HLCS: variants seen among roughly 807,000 people sequenced by gnomAD.
HLCS encodes the protein holocarboxylase synthetase.
Under a neutral mutation model 75.0 loss-of-function variants are expected in HLCS, and 53 were observed. The ratio of observed to expected loss-of-function variants is 0.71; its 90% CI spans 0.57 to 0.89. HLCS has a LOEUF of 0.89. Ranked by LOEUF, HLCS falls within the 40% of genes least tolerant of loss-of-function variation. The probability of loss-of-function intolerance (pLI) is 0.00; values close to 1 mark genes in which losing one functional copy is unlikely to be tolerated. For missense variants in HLCS, 966 were observed against 1,074.0 expected (o/e 0.90, Z 1.41); for synonymous variants, 431 against 428.6 (o/e 1.01, Z -0.07).
intron 1 of HLCS, among the ~76,000 whole-genome samples, chr21:36,963,643 T>C (rs1294542475): frequency 6.6e-6 from 1 of 151,910 alleles, no homozygotes; most frequent in Admixed American, 6.6e-5. Flanking sequence ...TCCCAGCTAC[T>C]CGGGAGGCTA....
At chr21:36,757,057 C>T (rs2089631664) in intron 9 of HLCS, 1 of 553,138 alleles carries the variant, frequency 1.8e-6, no homozygotes, top group Non-Finnish European at 2.3e-6. Context: ...AAATATGGGA[C>T]AAAACGTATC....
At chr21:36,914,806 G>A (rs957673803) in intron 5 of HLCS, among the ~76,000 whole-genome samples, 4 of 152,216 alleles carry the variant, frequency 2.6e-5, no homozygotes, top group African/African-American at 2.4e-5. Flanking sequence ...CACTGGTCTC[G>A]TGGGTGCGGG....
At chr21:36,926,213 A>G (rs954948884) in intron 5 of HLCS, among the ~76,000 whole-genome samples, 4 of 152,198 alleles carry the variant, frequency 2.6e-5, no homozygotes, top group Non-Finnish European at 5.9e-5. Flanking sequence ...AGAAACTGGA[A>G]CATCCAAGCA....
At chr21:36,806,359 C>A (rs1245861873) in intron 6 of HLCS, 2 of 152,150 alleles carry the variant, frequency 1.3e-5, no homozygotes, top group African/African-American at 4.8e-5. Flanking sequence ...GTGACATCAT[C>A]TTTGAGATAT....
In HLCS at chr21:36,840,903, G is replaced by A. The variant is rs552410920; in HGVS notation, c.1892+55957C>T. ...GCTGGGATTACAGGTGTGAGCCACA[G>A]CACCAGGCCACAATATTGCTTTTAG... On this transcript the variant is annotated intron_variant, in intron 6 of 10. Coordinates refer to ENST00000674895, the MANE Select transcript of HLCS (RefSeq NM_001352514.2). Among the ~76,000 whole-genome samples, 91 of 152,226 alleles carry A rather than the reference G, an allele frequency of 6.0e-4. 1 individual carries two copies. The South Asian group carries it at 0.013, about 22-fold the overall frequency.
chr21:36,942,271 T>C (rs187511635), intron 2 of HLCS, among the ~76,000 whole-genome samples: 9 of 151,634 alleles, frequency 5.9e-5, no homozygotes, highest in East Asian at 3.9e-4. Flanking sequence ...AGACCTCTTT[T>C]AGAAAAAGGA....
At position 36,767,291 on chromosome 21, in the gene HLCS, G is replaced by T. The variant is rs139904712; in HGVS notation, c.1893-6C>A. ...GCGGTGTCTGAAACATCAGCCTGCC[G>T]AAGAGGGGGAAAGACCGGTTAGGCC... On this transcript the variant is annotated splice_polypyrimidine_tract_variant and splice_region_variant and intron_variant, in intron 6 of 10. Coordinates refer to ENST00000674895, the MANE Select transcript of HLCS (RefSeq NM_001352514.2). 6.2e-7 allele frequency: 1 copy of T among 1,614,054 alleles called. No individual in the cohort carries two copies. Among genetic ancestry groups the T allele is most frequent in the South Asian group, 1.1e-5 (1 of 91,078 alleles).
At chr21:36,916,377 T>C (rs1377393405) in intron 5 of HLCS, among the ~76,000 whole-genome samples, 2 of 152,092 alleles carry the variant, frequency 1.3e-5, no homozygotes, top group East Asian at 1.9e-4. Context: ...TTTTAAGAGA[T>C]AGGGTCTTGC....
In HLCS at chr21:36,788,683, TA is replaced by T. The variant is rs1436091890; in HGVS notation, c.1893-21399del. Reference sequence around the variant, plus strand: ...TGCATTACAGTTGGATATTATTATATAAAATGAGTGTGTTATTAAAAGGATC... The same window carrying T: ...TGCATTACAGTTGGATATTATTATATAAATGAGTGTGTTATTAAAAGGATC... On this transcript the variant is annotated intron_variant, in intron 6 of 10. Coordinates refer to ENST00000674895, the MANE Select transcript of HLCS (RefSeq NM_001352514.2). Among the ~76,000 whole-genome samples the T allele has an allele frequency of 2.0e-5, 3 of 152,260 alleles. No homozygotes were observed. In the East Asian group the frequency reaches 5.8e-4, roughly 29 times the overall value.
intron 5 of HLCS, among the ~76,000 whole-genome samples, chr21:36,917,206 A>C (rs1258879068): frequency 6.6e-6 from 1 of 152,194 alleles, no homozygotes; most frequent in Admixed American, 6.5e-5. Context: ...TTCTGCTGTT[A>C]ATCGTGGAAT....
chr21:36,928,630 T>C (rs2066506201), intron 5 of HLCS, among the ~76,000 whole-genome samples: 1 of 152,170 alleles, frequency 6.6e-6, no homozygotes, highest in South Asian at 2.1e-4. Flanking sequence ...ACTCATTCCA[T>C]TCCTTGGGCT....
intron 2 of HLCS, among the ~76,000 whole-genome samples, chr21:36,961,444 C>T (rs951970260): frequency 2.0e-5 from 3 of 151,802 alleles, no homozygotes; most frequent in Non-Finnish European, 2.9e-5. Flanking sequence ...TCCCTGGAGC[C>T]CTGAGTTTGA....
At chr21:36,855,751 A>AT (rs370476988) in intron 6 of HLCS, among the ~76,000 whole-genome samples, 4 of 151,478 alleles carry the variant, frequency 2.6e-5, no homozygotes, top group African/African-American at 9.7e-5. Flanking sequence ...TAATTTTTGT[A>AT]TTTTTTTGTA....
intron 6 of HLCS, among the ~76,000 whole-genome samples, chr21:36,855,348 T>G (rs1156953030): frequency 6.6e-6 from 1 of 150,504 alleles, no homozygotes; most frequent in Admixed American, 6.6e-5. Context: ...CTTGTCAACA[T>G]GGTGAAACCC....
intron 6 of HLCS, among the ~76,000 whole-genome samples, chr21:36,853,539 C>T (rs1353385466): frequency 6.6e-6 from 1 of 152,078 alleles, no homozygotes; most frequent in East Asian, 1.9e-4. Context: ...TTAAAATTAA[C>T]CATTTCAATT....
At chr21:36,980,610 C>G (rs558993353) in intron 1 of HLCS, 1 of 152,368 alleles carries the variant, frequency 6.6e-6, no homozygotes, top group Non-Finnish European at 1.5e-5. Context: ...CACCCGAGTC[C>G]CCAGAGCCCC....
At chr21:36,946,489 G>A (rs927574700) in intron 2 of HLCS, among the ~76,000 whole-genome samples, 17 of 152,090 alleles carry the variant, frequency 1.1e-4, no homozygotes, top group African/African-American at 3.6e-4. Flanking sequence ...CGACCCTCCT[G>A]CCTCAACCTC....
rs1569216441 is a variant in HLCS, at chr21:36,936,759, AG to A, written c.1126del (p.Leu376CysfsTer29). The A allele has an allele frequency of 6.2e-7, 1 of 1,614,124 alleles. No individual in the cohort carries two copies. Among genetic ancestry groups the A allele is most frequent in the African/African-American group, 1.3e-5 (1 of 74,942 alleles). On this transcript the variant is annotated frameshift_variant, in exon 4 of 11. Coordinates refer to ENST00000674895, the MANE Select transcript of HLCS (RefSeq NM_001352514.2). LOFTEE classifies it high-confidence loss of function. ...AAGATAGGCCATGAACTTCTGGTACAGGTCTTCGGGAATGGACTCCCTGGTA... is the reference window on the plus strand; with the variant it reads ...AAGATAGGCCATGAACTTCTGGTACAGTCTTCGGGAATGGACTCCCTGGTA... ...IATRESIPED[L>X]YQKFMAYLSQ...
chr21:36,986,606 C>T, intron 1 of HLCS: 1 of 152,336 alleles, frequency 6.6e-6, no homozygotes, highest in Non-Finnish European at 1.5e-5. Context: ...TTAGTAGAGA[C>T]AGGGTTTCTC....
Sources: gnomAD v4.1 joint callset for allele counts (sites outside exome capture counted in the v4.1 genomes callset) on GRCh38, gnomAD v4.1.1 for gene constraint, MANE v1.5 for transcripts, NCBI Gene and HGNC (gene_info 2026-07-23, HGNC 2026-07-21) for gene names.